Variants in POLR3A observed in about 807,000 individuals in gnomAD.
POLR3A encodes the protein RNA polymerase III subunit A, also known as DNA-directed RNA polymerase III subunit RPC1.
A neutral mutation model predicts 152.8 loss-of-function variants in POLR3A; 112 were observed. The ratio of observed to expected loss-of-function variants is 0.73; its 90% confidence interval spans 0.63 to 0.86. The LOEUF (loss-of-function observed/expected upper bound fraction) is 0.86, where lower values mean the gene tolerates loss of function less well. Ranked by LOEUF, POLR3A falls within the 40% of genes least tolerant of loss-of-function variation. POLR3A has a pLI of 0.00. For synonymous variants in POLR3A, 615 were observed against 652.1 expected (o/e 0.94, Z 0.87); for missense variants, 1,385 against 1,743.1 (o/e 0.79, Z 3.66).
chr10:78,001,145 T>C (rs1473089750), intron 17 of POLR3A, 51 bp from the exon 18 acceptor site: 6 of 969,092 alleles, frequency 6.2e-6, no homozygotes, highest in Non-Finnish European at 8.4e-6. Context: ...ATAACACTAA[T>C]TGAAGTGCAT....
intron 19 of POLR3A, among the ~76,000 whole-genome samples, chr10:77,994,759 T>G (rs1292887514): frequency 6.6e-6 from 1 of 152,190 alleles, no homozygotes. Flanking sequence ...CCAGGAGAAC[T>G]TCCCCAATCT....
In POLR3A at chr10:78,019,253, T is replaced by G; in HGVS notation, c.1198A>C (p.Asn400His). ...LTFPEKVNKA[N>H]INFLRKLVQN... The stretch of plus-strand genomic sequence containing the variant: ...ACCAGTTTCCTCAAGAAATTGATGT[T>G]TGCTTTGTTTACCTGCAGTACAAAA... The change falls in exon 9 of 31, where the codon AAC becomes CAC. Residue 400 changes from asparagine to histidine, a missense_variant. Asn to His is a moderately conservative substitution (Grantham distance 68). Transcript: ENST00000372371. The G allele has an allele frequency of 1.2e-6, 2 of 1,613,618 alleles. No individual in the cohort carries two copies. Among genetic ancestry groups the G allele is most frequent in the Non-Finnish European group, 1.7e-6 (2 of 1,179,640 alleles).
chr10:78,025,024 A>G lies in POLR3A; in HGVS notation c.437T>C (p.Ile146Thr). 6.2e-7 allele frequency: 1 copy of G among 1,613,960 alleles called. No individual in the cohort carries two copies. ...YLQKRGLKKKISDKCRKKNIC... is the reference protein window; with the variant it reads ...YLQKRGLKKKTSDKCRKKNIC... Reference sequence around the variant, plus strand: ...GTTTTTCTTCCGGCACTTGTCAGAGATTTTCTTTTTCAGTCCTCGCTTCTG... The same window carrying G: ...GTTTTTCTTCCGGCACTTGTCAGAGGTTTTCTTTTTCAGTCCTCGCTTCTG... The change falls in exon 4 of 31, where the codon ATC (isoleucine) becomes ACC (threonine). Residue 146 changes from isoleucine to threonine, a missense_variant. This residue lies in a region of POLR3A where 493 missense variants were observed against 647.5 expected (regional missense o/e 0.76). Coordinates refer to ENST00000372371, the MANE Select transcript of POLR3A (RefSeq NM_007055.4).
At chr10:78,015,978 T>C (rs1382356901) in intron 10 of POLR3A, among the ~76,000 whole-genome samples, 2 of 152,200 alleles carry the variant, frequency 1.3e-5, no homozygotes, top group Non-Finnish European at 2.9e-5. Flanking sequence ...ACTGATATAA[T>C]GTGTTCAGAC....
chr10:78,010,765 G>A (rs1019800850), intron 11 of POLR3A, among the ~76,000 whole-genome samples: 3 of 152,018 alleles, frequency 2.0e-5, no homozygotes, highest in African/African-American at 7.3e-5. Flanking sequence ...GACCTAGGAG[G>A]GTCCTACCAA....
intron 5 of POLR3A, among the ~76,000 whole-genome samples, chr10:78,023,691 T>A (rs1847602223): frequency 6.6e-6 from 1 of 151,334 alleles, no homozygotes; most frequent in South Asian, 2.1e-4. Flanking sequence ...CATGCAAGGA[T>A]CACTTGAGCC....
At chr10:77,981,406 CG>C in intron 29 of POLR3A, 21 bp downstream of exon 29, 4 of 1,613,026 alleles carry the variant, frequency 2.5e-6, no homozygotes, top group African/African-American at 1.3e-5. Context: ...CCAGGCAGCC[CG>C]GGGGCCTCCT....
Position 78,001,105 on chromosome 10 carries a change from G to C in POLR3A, c.2360-11C>G, listed in dbSNP as rs764280012. 4 of 1,399,796 alleles carry C rather than the reference G, an allele frequency of 2.9e-6. No individual in the cohort carries two copies. Among genetic ancestry groups the C allele is most frequent in the African/African-American group, 1.4e-5 (1 of 70,846 alleles). The allele number at this position is 1,399,796 out of a possible 1,614,324, so 86.7% of individuals were successfully genotyped here. ...TGTTAATGAAGGAACCTGGGGACATGGACCAGAAATGTAACATTCATTTAC... is the reference window on the plus strand; with the variant it reads ...TGTTAATGAAGGAACCTGGGGACATCGACCAGAAATGTAACATTCATTTAC... On this transcript the variant is annotated splice_polypyrimidine_tract_variant and intron_variant, in intron 17 of 30. Coordinates refer to ENST00000372371, the MANE Select transcript of POLR3A (RefSeq NM_007055.4).
chr10:77,994,295 A>G (rs561259621), intron 19 of POLR3A, among the ~76,000 whole-genome samples: 1 of 152,268 alleles, frequency 6.6e-6, no homozygotes, highest in South Asian at 2.1e-4. Context: ...ACTTGGAAAT[A>G]GGTGTCCACT....
In POLR3A at chr10:78,022,159, C is replaced by T. The variant is rs140717091; in HGVS notation, c.871G>A (p.Asp291Asn). 6 of 1,613,992 alleles carry T rather than the reference C, an allele frequency of 3.7e-6. No homozygotes were observed. The African/African-American group carries it at 4.0e-5, about 11-fold the overall frequency. ...MKLTEIIFLN[D>N]VIKKHRISGA... ...GAGGCACTGACCTTTTTAATAACAT[C>T]GTTTAGGAAAATGATTTCTGTCAGT... The change falls in exon 6 of 31, where the codon GAT becomes AAT. Residue 291 changes from aspartate (D) to asparagine (N), a missense_variant. Asp to Asn is a conservative substitution (Grantham distance 23). Around this residue, in one of 7 missense-constraint regions of POLR3A, gnomAD observed 493 missense variants for 647.5 expected, o/e 0.76. Transcript: ENST00000372371.
chr10:78,023,811 A>AAAT (rs561456620), intron 5 of POLR3A, among the ~76,000 whole-genome samples: 4 of 151,300 alleles, frequency 2.6e-5, no homozygotes, highest in Non-Finnish European at 4.4e-5. Flanking sequence ...CAAATATATA[A>AAAT]AATAATAATA....
At chr10:77,998,923 T>G (rs1203395296) in intron 19 of POLR3A, among the ~76,000 whole-genome samples, 1 of 152,182 alleles carries the variant, frequency 6.6e-6, no homozygotes, top group African/African-American at 2.4e-5. Context: ...AATGATAGAC[T>G]GGATTAAGAA....
chr10:78,026,080 T>C lies in POLR3A; in HGVS notation c.180+14A>G, dbSNP rs778057124. ...GGCAAGACACAGTTACCAGGAGGGG[T>C]GAGGGGGCCTTACCATCCTATGGTC... On this transcript the variant is annotated intron_variant, in intron 2 of 30. Transcript: ENST00000372371. 6.2e-7 allele frequency: 1 copy of C among 1,613,610 alleles called. No individual in the cohort carries two copies. The highest frequency in any genetic ancestry group is 8.5e-7 in the Non-Finnish European group (1 of 1,179,752).
intron 20 of POLR3A, 105 bp downstream of exon 20, chr10:77,993,092 A>C: frequency 3.4e-6 from 3 of 874,302 alleles, no homozygotes; most frequent in Non-Finnish European, 5.9e-6. Context: ...GGGATTATAA[A>C]TACTGAAGTA....
At chr10:78,018,017 T>C (rs1847541532) in intron 9 of POLR3A, among the ~76,000 whole-genome samples, 1 of 151,120 alleles carries the variant, frequency 6.6e-6, no homozygotes, top group African/African-American at 2.4e-5. Context: ...CTACAAAAAA[T>C]ACAAAAATTA....
intron 21 of POLR3A, among the ~76,000 whole-genome samples, chr10:77,989,120 C>T (rs545829114): frequency 7.2e-5 from 11 of 152,322 alleles, no homozygotes; most frequent in African/African-American, 2.6e-4. Flanking sequence ...AAAAACAGCT[C>T]ACTTTTTGGA....
intron 21 of POLR3A, among the ~76,000 whole-genome samples, chr10:77,987,177 C>A (rs1847205971): frequency 6.6e-6 from 1 of 152,136 alleles, no homozygotes; most frequent in Non-Finnish European, 1.5e-5. Flanking sequence ...TCAGGGTGAG[C>A]TGATGGCACC....
At chr10:78,011,292 G>T (rs1313569594) in intron 11 of POLR3A, among the ~76,000 whole-genome samples, 2 of 152,140 alleles carry the variant, frequency 1.3e-5, no homozygotes, top group Admixed American at 1.3e-4. Flanking sequence ...AAGACATTAC[G>T]TTCTAATAAT....
At chr10:77,980,354 A>G in intron 29 of POLR3A, 81 bp from the exon 30 acceptor site, 2 of 1,367,126 alleles carry the variant, frequency 1.5e-6, no homozygotes, top group Non-Finnish European at 2.1e-6. Flanking sequence ...CACCTTCAAT[A>G]CAATCAACAA....
Sources: gnomAD v4.1 joint callset for allele counts (sites outside exome capture counted in the v4.1 genomes callset) on GRCh38, gnomAD v4.1.1 for gene constraint, gnomAD v4.1.1 regional missense constraint, MANE v1.5 for transcripts, NCBI Gene and HGNC (gene_info 2026-07-23, HGNC 2026-07-21) for gene names.